The following RASEF variants were observed in gnomAD, a reference collection of about 807,000 sequenced individuals.
The protein encoded by RASEF is RAS and EF-hand domain containing.
Under a neutral mutation model 90.1 loss-of-function variants are expected in RASEF, and 68 were observed. The ratio of observed to expected loss-of-function variants is 0.75; its 90% CI spans 0.62 to 0.92. The LOEUF (loss-of-function observed/expected upper bound fraction) is 0.92. Ranked by LOEUF, RASEF falls within the 40% of genes least tolerant of loss-of-function variation. RASEF has a pLI of 0.00. For synonymous variants in RASEF, 331 were observed against 345.2 expected, an observed-to-expected ratio of 0.96 and a Z score of 0.46; for missense variants, 949 against 937.2, an observed-to-expected ratio of 1.01 and a Z score of -0.16.
intron 3 of RASEF, among the ~76,000 whole-genome samples, chr9:83,017,083 A>G (rs1273701086): frequency 6.6e-6 from 1 of 152,128 alleles, no homozygotes; most frequent in Non-Finnish European, 1.5e-5. Context: ...AGGCCTCACA[A>G]TGAGGTGCTA....
intron 5 of RASEF, 62 bp downstream of exon 5, chr9:83,012,372 A>C: frequency 1.2e-6 from 1 of 834,584 alleles, no homozygotes; most frequent in Non-Finnish European, 1.8e-6. Flanking sequence ...ACACTGAAAT[A>C]AGAGCATGAG....
upstream of RASEF, among the ~76,000 whole-genome samples, chr9:83,066,890 TC>T (rs940820553): frequency 6.6e-6 from 1 of 152,220 alleles, no homozygotes; most frequent in African/African-American, 2.4e-5. Context: ...GGTTTCAATT[TC>T]CGTGAGCTTT....
At chr9:83,088,378 A>AT in the RASEF span, among the ~76,000 whole-genome samples, 2 of 150,556 alleles carry the variant, frequency 1.3e-5, no homozygotes, top group East Asian at 3.9e-4. Context: ...AGATGGATAG[A>AT]TAGATAGATA....
At chr9:83,182,459 C>G in the RASEF span, among the ~76,000 whole-genome samples, 106,933 of 152,080 alleles carry the variant, frequency 0.7, 37,865 homozygotes, top group Middle Eastern at 0.84. Context: ...ACACATATCA[C>G]CACTGTCATT....
rs182276403 is a variant in RASEF, at chr9:83,016,874, A to G, written c.670-974T>C. 1.3e-3 allele frequency among the ~76,000 whole-genome samples: 203 copies of G among 152,292 alleles called. 1 individual carries two copies. Among genetic ancestry groups the G allele is most frequent in the African/African-American group, 4.6e-3 (192 of 41,558 alleles). On this transcript the variant is annotated intron_variant, in intron 3 of 16. Coordinates refer to ENST00000376447, the MANE Select transcript of RASEF (RefSeq NM_152573.4). ...GCTGGGCAAGTTGCTAAACTTATCC[A>G]TGCCTCCATTTTCTTTTTAACTACT...
At chr9:83,165,564 C>A in the RASEF span, among the ~76,000 whole-genome samples, 1 of 151,974 alleles carries the variant, frequency 6.6e-6, no homozygotes, top group East Asian at 1.9e-4. Context: ...AATCTAAAAT[C>A]AATTATCTAA....
At chr9:83,055,871 T>G (rs538701375) in intron 1 of RASEF, among the ~76,000 whole-genome samples, 1 of 152,342 alleles carries the variant, frequency 6.6e-6, no homozygotes, top group South Asian at 2.1e-4. Flanking sequence ...GAAACATCCA[T>G]AGTCCAGAAT....
At chr9:83,044,688 A>C (rs1313753208) in intron 1 of RASEF, among the ~76,000 whole-genome samples, 1 of 152,176 alleles carries the variant, frequency 6.6e-6, no homozygotes, top group Non-Finnish European at 1.5e-5. Flanking sequence ...GTGATCTCAA[A>C]ACTGAGAATA....
intron 1 of RASEF, 21 bp downstream of exon 1, chr9:83,062,416 G>GC: frequency 6.2e-7 from 1 of 1,609,160 alleles, no homozygotes; most frequent in South Asian, 1.1e-5. Flanking sequence ...ATAACCTCCC[G>GC]CCCCCAGCTC....
intron 4 of RASEF, among the ~76,000 whole-genome samples, chr9:83,013,626 A>C (rs1829289525): frequency 6.6e-6 from 1 of 152,202 alleles, no homozygotes; most frequent in Non-Finnish European, 1.5e-5. Context: ...GGCATGCAGG[A>C]AGTCTGGAAT....
the RASEF span, among the ~76,000 whole-genome samples, chr9:83,103,256 C>T: frequency 6.6e-6 from 1 of 152,140 alleles, no homozygotes; most frequent in Admixed American, 6.5e-5. Context: ...CCACTTAGAA[C>T]CTCTGAGGTT....
chr9:83,205,333 A>G, the RASEF span, among the ~76,000 whole-genome samples: 3 of 152,220 alleles, frequency 2.0e-5, no homozygotes, highest in African/African-American at 7.2e-5. Context: ...AGCAAGCCAT[A>G]CATTTTTCTG....
chr9:83,021,815 C>A (rs116019826), intron 3 of RASEF, among the ~76,000 whole-genome samples: 1 of 152,116 alleles, frequency 6.6e-6, no homozygotes, highest in Non-Finnish European at 1.5e-5. Context: ...TTTTGGTATG[C>A]GGGGTTGCAG....
chr9:83,002,685 A>G (rs899374410), intron 9 of RASEF, among the ~76,000 whole-genome samples: 18 of 152,064 alleles, frequency 1.2e-4, no homozygotes, highest in African/African-American at 4.3e-4. Flanking sequence ...CTTCAGTTCC[A>G]TGTCTTCATT....
intron 15 of RASEF, among the ~76,000 whole-genome samples, chr9:82,991,776 G>A (rs1468784030): frequency 6.6e-6 from 1 of 152,156 alleles, no homozygotes; most frequent in Non-Finnish European, 1.5e-5. Context: ...GCAAACTTTG[G>A]GAACTCTGCG....
chr9:83,204,610 C>T, the RASEF span, among the ~76,000 whole-genome samples: 1 of 152,152 alleles, frequency 6.6e-6, no homozygotes, highest in South Asian at 2.1e-4. Flanking sequence ...AAAATGGATT[C>T]CATGTCATAA....
In RASEF at chr9:83,005,468, T is replaced by C; in HGVS notation, c.1061A>G (p.Asp354Gly). The change falls in exon 8 of 17, where the codon GAT becomes GGT. Residue 354 changes from aspartate to glycine, a missense_variant. Around this residue, in one of 3 missense-constraint regions of RASEF, gnomAD observed 656 missense variants for 592.2 expected, o/e 1.11. Transcript: ENST00000376447. ...TANRKLHDSN[D>G]GLRSALENSY... The stretch of plus-strand genomic sequence containing the variant: ...GTTTTCAAGGGCACTTCTAAGGCCA[T>C]CATTACTGTCATGTAGCTTCCGGTT... The C allele has an allele frequency of 6.2e-7, 1 of 1,614,024 alleles. No individual in the cohort carries two copies. Among genetic ancestry groups the C allele is most frequent in the Non-Finnish European group, 8.5e-7 (1 of 1,179,912 alleles).
the RASEF span, among the ~76,000 whole-genome samples, chr9:83,189,683 T>C: frequency 2.0e-5 from 3 of 152,160 alleles, no homozygotes; most frequent in Non-Finnish European, 4.4e-5. Flanking sequence ...ATTACATAAA[T>C]AAGGCAGATG....
intron 1 of RASEF, among the ~76,000 whole-genome samples, chr9:83,059,601 T>C (rs367607813): frequency 2.6e-5 from 4 of 152,168 alleles, no homozygotes; most frequent in East Asian, 3.9e-4. Flanking sequence ...CTCTCTGCCC[T>C]GCCCCTCCAC....
Sources: allele counts gnomAD v4.1 joint callset (sites outside exome capture counted in the v4.1 genomes callset), GRCh38; gene constraint gnomAD v4.1.1; regional missense constraint gnomAD v4.1.1; transcripts MANE v1.5; gene names NCBI Gene and HGNC (gene_info 2026-07-23, HGNC 2026-07-21).